Variants in CCDC158 observed in about 807,000 individuals in gnomAD.
CCDC158 encodes the protein coiled-coil domain containing 158.
Under a neutral mutation model 138.6 loss-of-function variants are expected in CCDC158, and 116 were observed. That is an observed-to-expected ratio of 0.84 (90% CI 0.72 to 0.98). The LOEUF is 0.98. Among genes scored for constraint, CCDC158 ranks in the 50% least tolerant of loss-of-function variants. The pLI is 0.00. For synonymous variants in CCDC158, 436 were observed against 442.4 expected, an observed-to-expected ratio of 0.99 and a Z score of 0.18; for missense variants, 1,265 against 1,306.1, an observed-to-expected ratio of 0.97 and a Z score of 0.48.
intron 15 of CCDC158, among the ~76,000 whole-genome samples, chr4:76,354,263 A>T (rs1173000725): frequency 6.6e-6 from 1 of 151,238 alleles, no homozygotes; most frequent in Admixed American, 6.6e-5. Context: ...AAAAGGAGAA[A>T]GAAAAAAGTG....
chr4:76,378,904 C>T (rs1024675657), intron 9 of CCDC158, among the ~76,000 whole-genome samples: 4 of 152,086 alleles, frequency 2.6e-5, no homozygotes, highest in Non-Finnish European at 1.5e-5. Flanking sequence ...GGTAGCTTCA[C>T]AATGATTAGG....
rs375412402 is a variant in CCDC158 at position 76,325,985 on chromosome 4, C to T, written c.3041G>A (p.Arg1014His). 237 of 1,612,244 alleles carry T rather than the reference C, an allele frequency of 1.5e-4. No homozygotes were observed. The highest frequency in any genetic ancestry group is 3.3e-4 in the Middle Eastern group (2 of 6,074). Residue 1014 changes from arginine to histidine, a missense_variant, in exon 23 of 25, where the codon CGT becomes CAT. Transcript: ENST00000682701. ...CTTCTTAGGAGAAGAATTGAATGAACGAGAAGCTGAGTTTTTCACAGATGG... is the reference window on the plus strand; with the variant it reads ...CTTCTTAGGAGAAGAATTGAATGAATGAGAAGCTGAGTTTTTCACAGATGG... ...ASPSVKNSAS[R>H]SFNSSPKKSP...
intron 3 of CCDC158, 80 bp downstream of exon 3, chr4:76,403,058 A>G: frequency 1.0e-6 from 1 of 961,324 alleles, no homozygotes. Context: ...TAAAAATAAA[A>G]CATACTAGAA....
At chr4:76,358,780 A>G (rs1053420287) in intron 13 of CCDC158, among the ~76,000 whole-genome samples, 1 of 152,102 alleles carries the variant, frequency 6.6e-6, no homozygotes, top group Non-Finnish European at 1.5e-5. Flanking sequence ...TTATTCACCC[A>G]TTTCTATCTA....
chr4:76,358,214 C>G (rs1156759682), intron 13 of CCDC158, among the ~76,000 whole-genome samples: 13 of 152,110 alleles, frequency 8.5e-5, no homozygotes, highest in Non-Finnish European at 1.6e-4. Context: ...CATTGCTTTT[C>G]CAATACCACA....
Position 76,384,155 on chromosome 4 carries a change from G to A in CCDC158, c.659C>T (p.Ser220Leu). 6.2e-7 allele frequency: 1 copy of A among 1,614,016 alleles called. No homozygotes were observed. The highest frequency in any genetic ancestry group is 1.1e-5 in the South Asian group (1 of 91,072). The change falls in exon 6 of 25, where the codon TCA becomes TTA. Residue 220 changes from serine to leucine, a missense_variant. Coordinates refer to ENST00000682701, the MANE Select transcript of CCDC158 (RefSeq NM_001394954.1). The part of the protein sequence containing the change: ...MSTLHFRSLG[S>L]AISKILRELD... ...TTCTCTTAGTATTTTACTAATAGCT[G>A]AGCCCAAGCTGCGGAAGTGCAGAGT...
chr4:76,317,077 AC>A lies in CCDC158; in HGVS notation c.3278-3832del, dbSNP rs200469071. Among the ~76,000 whole-genome samples the A allele has an allele frequency of 3.9e-4, 60 of 152,166 alleles. 2 individuals carry two copies. Among genetic ancestry groups the A allele is most frequent in the African/African-American group, 1.4e-3 (60 of 41,504 alleles). ...AAACAATAACACAATGAAAAAAAAA[AC>A]CAAGGTAATTCAGGCACCAACTAGT... is the stretch of plus-strand genomic sequence containing the variant. On this transcript the variant is annotated intron_variant, in intron 24 of 24. Coordinates refer to ENST00000682701, the MANE Select transcript of CCDC158 (RefSeq NM_001394954.1).
chr4:76,401,205 G>C (rs1021573408), intron 3 of CCDC158: 13 of 335,710 alleles, frequency 3.9e-5, no homozygotes, highest in African/African-American at 2.2e-4. Flanking sequence ...AAAGATAGGA[G>C]CTTAAAAGAA....
chr4:76,348,348 T>C (rs1722756456), intron 18 of CCDC158, among the ~76,000 whole-genome samples: 2 of 140,636 alleles, frequency 1.4e-5, no homozygotes, highest in African/African-American at 2.7e-5. Context: ...GGCAGGAGAA[T>C]GGCGTGAACC....
chr4:76,362,244 C>T lies in CCDC158; in HGVS notation c.1902G>A (p.Lys634=). Residue 634 remains lysine, a synonymous_variant, in exon 13 of 25, where the codon AAG becomes AAA. Coordinates refer to ENST00000682701, the MANE Select transcript of CCDC158 (RefSeq NM_001394954.1). ...EARVSDLELE[K]VKLVNAGSER... Reference sequence around the variant, plus strand: ...CAGAGCCTGCATTCACCAGCTTCACCTTTTCCAGCTCCAAGTCACTCACTC... The same window carrying T: ...CAGAGCCTGCATTCACCAGCTTCACTTTTTCCAGCTCCAAGTCACTCACTC... 1 of 1,614,158 alleles carries T rather than the reference C, an allele frequency of 6.2e-7. No individual in the cohort carries two copies. Among genetic ancestry groups the T allele is most frequent in the Non-Finnish European group, 8.5e-7 (1 of 1,180,020 alleles).
intron 1 of CCDC158, among the ~76,000 whole-genome samples, chr4:76,417,601 CT>C (rs79863747): frequency 0.31 from 46,815 of 152,008 alleles, 9,226 homozygotes; most frequent in Non-Finnish European, 0.44. Flanking sequence ...TAAGAAGTGC[CT>C]TTTGCCTCCC....
intron 4 of CCDC158, among the ~76,000 whole-genome samples, chr4:76,392,641 C>A (rs939575430): frequency 2.6e-5 from 4 of 151,774 alleles, no homozygotes; most frequent in Admixed American, 2.0e-4. Context: ...CTAGCTTGAG[C>A]AATCACATAG....
At position 76,323,091 on chromosome 4, in the gene CCDC158, A is replaced by G. The variant is rs74659448; in HGVS notation, c.3277+211T>C. Among the ~76,000 whole-genome samples the G allele has an allele frequency of 7.6e-3, 1,151 of 152,262 alleles. 7 individuals carry two copies. Among genetic ancestry groups the G allele is most frequent in the African/African-American group, 0.026 (1,092 of 41,542 alleles). ...CCGGCAGGATTGTCATCCCCATTAG[A>G]TAAGAGAGTATAGCAGGGCAAGAGT... is the stretch of plus-strand genomic sequence containing the variant. On this transcript the variant is annotated intron_variant, in intron 24 of 24. Transcript: ENST00000682701.
intron 8 of CCDC158, among the ~76,000 whole-genome samples, chr4:76,379,763 CACACA>C (rs1039560375): frequency 2.0e-5 from 3 of 151,204 alleles, no homozygotes; most frequent in Non-Finnish European, 2.9e-5. Flanking sequence ...CACACACACA[CACACA>C]CACACACACA....
chr4:76,334,871 G>T (rs971826710), intron 18 of CCDC158, among the ~76,000 whole-genome samples: 1 of 152,212 alleles, frequency 6.6e-6, no homozygotes, highest in African/African-American at 2.4e-5. Context: ...CAGATTGGCT[G>T]CTGAGGGATG....
rs1476743246 is a variant in CCDC158 at position 76,357,570 on chromosome 4, T to C, written c.2021-44A>G. On this transcript the variant is annotated intron_variant, in intron 13 of 24. Transcript: ENST00000682701. ...AATAATAGATGGTTACTTTTTTCTATCCCATTGTTAATTAAGTATATTTTA... is the reference window on the plus strand; with the variant it reads ...AATAATAGATGGTTACTTTTTTCTACCCCATTGTTAATTAAGTATATTTTA... The C allele has an allele frequency of 3.3e-6, 4 of 1,218,554 alleles. No individual in the cohort carries two copies. In the African/African-American group the frequency reaches 6.2e-5, roughly 19 times the overall value. The allele number at this position is 1,218,554 out of a possible 1,614,324, so 75.5% of individuals were successfully genotyped here.
intron 1 of CCDC158, among the ~76,000 whole-genome samples, 161 bp from the exon 2 acceptor site, chr4:76,412,293 T>C (rs1729353190): frequency 6.6e-6 from 1 of 152,208 alleles, no homozygotes; most frequent in Non-Finnish European, 1.5e-5. Flanking sequence ...TGTTATTTTT[T>C]CCTTTTATGT....
Position 76,384,169 on chromosome 4 carries a change from G to A in CCDC158, c.645C>T (p.Phe215=), listed in dbSNP as rs1409434837. The part of the protein sequence containing the change: ...CEHDSMSTLH[F]RSLGSAISKI... ...TACTAATAGCTGAGCCCAAGCTGCG[G>A]AAGTGCAGAGTAGACATGCTGTCAT... is the stretch of plus-strand genomic sequence containing the variant. The change falls in exon 6 of 25, where the codon TTC becomes TTT. Residue 215 remains phenylalanine, a synonymous_variant. Transcript: ENST00000682701. 1 of 1,614,112 alleles carries A rather than the reference G, an allele frequency of 6.2e-7. No individual in the cohort carries two copies. Among genetic ancestry groups the A allele is most frequent in the Non-Finnish European group, 8.5e-7 (1 of 1,179,982 alleles).
chr4:76,379,384 T>A lies in CCDC158; in HGVS notation c.935A>T (p.Asn312Ile). 1 of 1,599,348 alleles carries A rather than the reference T, an allele frequency of 6.3e-7. No individual in the cohort carries two copies. The highest frequency in any genetic ancestry group is 8.5e-7 in the Non-Finnish European group (1 of 1,174,686). Residue 312 changes from asparagine to isoleucine, a missense_variant, in exon 9 of 25, where the codon AAC becomes ATC. Coordinates refer to ENST00000682701, the MANE Select transcript of CCDC158 (RefSeq NM_001394954.1). ...GCTGAGCTGACGCATATACATAGAG[T>A]TTTGGTTTCTTGCTTGCTCTCTAAG... is the stretch of plus-strand genomic sequence containing the variant. Reference protein sequence around the residue: ...EIIQEQARNQNSMYMRQLSDL... With the variant: ...EIIQEQARNQISMYMRQLSDL...
Sources: gnomAD v4.1 joint callset for allele counts (sites outside exome capture counted in the v4.1 genomes callset) on GRCh38, gnomAD v4.1.1 for gene constraint, MANE v1.5 for transcripts, NCBI Gene and HGNC (gene_info 2026-07-23, HGNC 2026-07-21) for gene names.